Variants in MMP16 observed in about 807,000 individuals in gnomAD.
MMP16 encodes the protein matrix metallopeptidase 16.
In MMP16, 12 loss-of-function variants were observed where a neutral mutation model predicts 67.8. The ratio of observed to expected loss-of-function variants is 0.18; its 90% CI spans 0.11 to 0.29. The LOEUF (loss-of-function observed/expected upper bound fraction) is 0.29. Among genes scored for constraint, MMP16 ranks in the 10% least tolerant of loss-of-function variants. The pLI, the probability that MMP16 is intolerant of heterozygous loss-of-function variation, is 1.00. For missense variants in MMP16, 475 were observed against 765.7 expected (o/e 0.62, Z 4.48); for synonymous variants, 249 against 255.9 (o/e 0.97, Z 0.26).
chr8:88,270,624 A>G (rs1224165851), intron 1 of MMP16, among the ~76,000 whole-genome samples: 1 of 152,204 alleles, frequency 6.6e-6, no homozygotes, highest in African/African-American at 2.4e-5. Context: ...ATGGTTATTG[A>G]ATTAATAAAT....
intron 3 of MMP16, among the ~76,000 whole-genome samples, chr8:88,176,954 G>C (rs28907586): frequency 2.0e-5 from 3 of 152,224 alleles, no homozygotes; most frequent in Non-Finnish European, 4.4e-5. Context: ...ATTTTTGTTG[G>C]AATTGCATCG....
At chr8:88,049,120 A>C (rs1014823842) in intron 8 of MMP16, among the ~76,000 whole-genome samples, 1 of 152,224 alleles carries the variant, frequency 6.6e-6, no homozygotes, top group Non-Finnish European at 1.5e-5. Flanking sequence ...GCAGGTTCTC[A>C]TCACATCGAA....
chr8:88,124,719 C>T (rs184889214), intron 4 of MMP16, among the ~76,000 whole-genome samples: 32 of 152,010 alleles, frequency 2.1e-4, no homozygotes, highest in African/African-American at 7.0e-4. Flanking sequence ...TTAGTCTGTC[C>T]TGGATGCCAT....
At chr8:88,212,266 AATTATG>A (rs1458097386) in intron 1 of MMP16, among the ~76,000 whole-genome samples, 2 of 152,178 alleles carry the variant, frequency 1.3e-5, no homozygotes, top group East Asian at 3.9e-4. Flanking sequence ...GATGCCTACG[AATTATG>A]ATCTTGAACA....
intron 4 of MMP16, among the ~76,000 whole-genome samples, chr8:88,149,192 C>T (rs973571757): frequency 1.3e-5 from 2 of 152,252 alleles, no homozygotes; most frequent in Non-Finnish European, 2.9e-5. Flanking sequence ...ATATCCCACA[C>T]CTGGCTCGGA....
At chr8:88,184,624 A>G (rs1450380466) in intron 3 of MMP16, among the ~76,000 whole-genome samples, 13 of 143,812 alleles carry the variant, frequency 9.0e-5, no homozygotes, top group African/African-American at 3.3e-4. Flanking sequence ...GTGCACACCT[A>G]TAATCCCAGC....
chr8:88,322,274 A>C (rs1163400554), intron 1 of MMP16, among the ~76,000 whole-genome samples: 2 of 152,194 alleles, frequency 1.3e-5, no homozygotes, highest in African/African-American at 4.8e-5. Context: ...GCTGAACTTG[A>C]TATTCTATGA....
intron 8 of MMP16, among the ~76,000 whole-genome samples, chr8:88,053,785 A>G (rs567009508): frequency 6.6e-6 from 1 of 152,274 alleles, no homozygotes; most frequent in Non-Finnish European, 1.5e-5. Flanking sequence ...TAAAACATCT[A>G]TAACTCATGA....
chr8:88,255,477 G>A (rs1810287216), intron 1 of MMP16, among the ~76,000 whole-genome samples: 1 of 151,970 alleles, frequency 6.6e-6, no homozygotes, highest in Non-Finnish European at 1.5e-5. Flanking sequence ...ATACAAACTC[G>A]AAGACACACA....
intron 3 of MMP16, among the ~76,000 whole-genome samples, chr8:88,177,794 G>A (rs1222740601): frequency 6.6e-6 from 1 of 151,994 alleles, no homozygotes; most frequent in Non-Finnish European, 1.5e-5. Flanking sequence ...TTGTCAGAAG[G>A]TCACAGCTCA....
At chr8:88,303,306 C>A (rs1365998498) in intron 1 of MMP16, among the ~76,000 whole-genome samples, 2 of 152,194 alleles carry the variant, frequency 1.3e-5, no homozygotes, top group Non-Finnish European at 2.9e-5. Flanking sequence ...AGGTTGGGGT[C>A]TGCCTGAGAA....
intron 1 of MMP16, among the ~76,000 whole-genome samples, chr8:88,300,650 C>T (rs575074403): frequency 7.2e-5 from 11 of 152,202 alleles, no homozygotes; most frequent in South Asian, 2.1e-4. Flanking sequence ...CAGGTATGTA[C>T]GTACAGAAAA....
chr8:88,201,144 CAAAAAAAAAAAA>C (rs71277984), intron 1 of MMP16, among the ~76,000 whole-genome samples: 1 of 109,410 alleles, frequency 9.1e-6, no homozygotes, highest in Non-Finnish European at 1.9e-5. Flanking sequence ...TTTCCCCCCC[CAAAAAAAAAAAA>C]AAAAAAAAAA....
At chr8:88,250,298 C>T (rs7842943) in intron 1 of MMP16, among the ~76,000 whole-genome samples, 2 of 151,882 alleles carry the variant, frequency 1.3e-5, no homozygotes, top group African/African-American at 4.8e-5. Flanking sequence ...TACTTAAGAA[C>T]GGGTGGGCAC....
At chr8:88,149,266 C>T (rs1034735162) in intron 4 of MMP16, among the ~76,000 whole-genome samples, 114 of 152,308 alleles carry the variant, frequency 7.5e-4, no homozygotes, top group African/African-American at 2.5e-3. Context: ...AACTGCAAGG[C>T]GGCAGCGAGG....
chr8:88,149,557 AC>A (rs1430270480), intron 4 of MMP16, among the ~76,000 whole-genome samples: 2 of 151,892 alleles, frequency 1.3e-5, no homozygotes, highest in Non-Finnish European at 2.9e-5. Flanking sequence ...CTGACCCCTG[AC>A]CCCCGAGCAG....
chr8:88,322,235 C>T (rs1005122131), intron 1 of MMP16, among the ~76,000 whole-genome samples: 8 of 151,988 alleles, frequency 5.3e-5, no homozygotes, highest in Non-Finnish European at 7.4e-5. Flanking sequence ...CAGATTTCAG[C>T]GAACGTGATG....
intron 3 of MMP16, among the ~76,000 whole-genome samples, chr8:88,170,663 A>C (rs1808784812): frequency 6.6e-6 from 1 of 152,144 alleles, no homozygotes; most frequent in South Asian, 2.1e-4. Context: ...AAAAAAAGAT[A>C]ATTTCAGATG....
intron 1 of MMP16, among the ~76,000 whole-genome samples, chr8:88,239,293 TCAAAA>T (rs1809995791): frequency 2.9e-4 from 1 of 3,474 alleles, no homozygotes; most frequent in Non-Finnish European, 8.7e-4. Context: ...AGACGCAGTC[TCAAAA>T]AAAAAAAAAA....
Sources: allele counts gnomAD v4.1 joint callset (sites outside exome capture counted in the v4.1 genomes callset), GRCh38; gene constraint gnomAD v4.1.1; transcripts MANE v1.5; gene names NCBI Gene and HGNC (gene_info 2026-07-23, HGNC 2026-07-21).